Variants in NUDCD1 observed in about 807,000 individuals in gnomAD.
NUDCD1 encodes NudC domain containing 1, also known as nudC domain-containing protein 1.
NUDCD1 carries 60 observed loss-of-function variants against 67.8 expected under a neutral mutation model. The observed-to-expected ratio is 0.88, with a 90% CI of 0.72 to 1.10. NUDCD1 has a LOEUF of 1.10. Ranked by LOEUF, NUDCD1 falls within the 50% of genes least tolerant of loss-of-function variation. NUDCD1 has a pLI of 0.00. For synonymous variants in NUDCD1, 244 were observed against 230.8 expected (o/e 1.06, Z -0.52); for missense variants, 643 against 695.0 (o/e 0.93, Z 0.84).
At chr8:109,312,953 C>T (rs926064569) in intron 2 of NUDCD1, among the ~76,000 whole-genome samples, 23 of 152,206 alleles carry the variant, frequency 1.5e-4, no homozygotes, top group African/African-American at 5.5e-4. Flanking sequence ...CAGCTCCTTA[C>T]TAATTATAGT....
intron 9 of NUDCD1, among the ~76,000 whole-genome samples, chr8:109,245,072 T>G (rs895628330): frequency 3.9e-5 from 6 of 152,122 alleles, no homozygotes; most frequent in African/African-American, 1.4e-4. Context: ...TTAGAATAAT[T>G]CAAGTGGTTA....
chr8:109,263,054 CAAAAAAAAAAA>C lies in NUDCD1; in HGVS notation c.1299+7940_1299+7950del, dbSNP rs59659347. Among the ~76,000 whole-genome samples, 28 of 42,014 alleles carry C rather than the reference CAAAAAAAAAAA, an allele frequency of 6.7e-4. 2 individuals are homozygous for C. Among genetic ancestry groups the C allele is most frequent in the Admixed American group, 5.9e-3 (14 of 2,366 alleles). The allele number at this position is 42,014 out of a possible 152,430, so 27.6% of individuals were successfully genotyped here. ...CGGGGGACAGAGTGAGACTCTGTCTCAAAAAAAAAAAAAAAAAAAAAAAAACCCTGAACCCT... is the reference window on the plus strand; with the variant it reads ...CGGGGGACAGAGTGAGACTCTGTCTCAAAAAAAAAAAAAACCCTGAACCCT... On this transcript the variant is annotated intron_variant, in intron 8 of 9. Coordinates refer to ENST00000239690, the MANE Select transcript of NUDCD1 (RefSeq NM_032869.4).
chr8:109,326,453 G>A (rs541467781), intron 1 of NUDCD1, among the ~76,000 whole-genome samples: 1 of 152,304 alleles, frequency 6.6e-6, no homozygotes, highest in African/African-American at 2.4e-5. Context: ...CTTAGCTACT[G>A]GCAGAGCTCT....
intron 2 of NUDCD1, 64 bp from the exon 3 acceptor site, chr8:109,296,633 A>G (rs1014465269): frequency 6.4e-6 from 7 of 1,093,116 alleles, no homozygotes; most frequent in East Asian, 2.5e-5. Context: ...CACAAAATAA[A>G]TATCTGCGGT....
chr8:109,275,541 A>G (rs375238593), intron 6 of NUDCD1, 45 bp from the exon 7 acceptor site: 12 of 1,487,820 alleles, frequency 8.1e-6, no homozygotes, highest in Admixed American at 1.8e-5. Flanking sequence ...AAGCAATTAT[A>G]CAAATTATAC....
intron 2 of NUDCD1, among the ~76,000 whole-genome samples, chr8:109,309,877 C>A (rs60451909): frequency 0.36 from 53,753 of 149,288 alleles, 10,374 homozygotes; most frequent in South Asian, 0.5. Context: ...AAAAAAAAAA[C>A]AAAACAAACA....
At chr8:109,264,441 T>C (rs978979356) in intron 8 of NUDCD1, among the ~76,000 whole-genome samples, 2 of 152,208 alleles carry the variant, frequency 1.3e-5, no homozygotes, top group Admixed American at 6.5e-5. Flanking sequence ...CTTATGTGTG[T>C]ATCGGTTTAT....
chr8:109,289,292 A>G lies in NUDCD1; in HGVS notation c.823+459T>C, dbSNP rs142677483. Among the ~76,000 whole-genome samples, 7 of 152,170 alleles carry G rather than the reference A, an allele frequency of 4.6e-5. No individual in the cohort carries two copies. In the East Asian group the frequency reaches 1.4e-3, roughly 29 times the overall value. On this transcript the variant is annotated intron_variant, in intron 5 of 9. Coordinates refer to ENST00000239690, the MANE Select transcript of NUDCD1 (RefSeq NM_032869.4). ...GCCTGGCCAGTCTTTTCATGCTAAA[A>G]CATAACCTTCATTCATTCATTCAAC...
chr8:109,275,323 A>C (rs371700182), intron 7 of NUDCD1, 29 bp downstream of exon 7: 1 of 1,596,186 alleles, frequency 6.3e-7, no homozygotes, highest in African/African-American at 1.3e-5. Flanking sequence ...GGACCCTTGG[A>C]AAGTCACACT....
At chr8:109,305,173 C>T (rs1586295367) in intron 2 of NUDCD1, among the ~76,000 whole-genome samples, 1 of 152,136 alleles carries the variant, frequency 6.6e-6, no homozygotes, top group South Asian at 2.1e-4. Context: ...TGTCTCTGCC[C>T]CGGACTGGCA....
chr8:109,316,693 G>C (rs1815405601), intron 2 of NUDCD1, among the ~76,000 whole-genome samples: 1 of 152,108 alleles, frequency 6.6e-6, no homozygotes, highest in Admixed American at 6.5e-5. Flanking sequence ...AAAAATAAGT[G>C]TAGTATTCTT....
intron 1 of NUDCD1, among the ~76,000 whole-genome samples, chr8:109,331,180 C>T (rs929832675): frequency 6.6e-6 from 1 of 152,014 alleles, no homozygotes; most frequent in South Asian, 2.1e-4. Context: ...GTCTCTAATA[C>T]AAAAATTAGC....
chr8:109,284,078 A>T (rs1354538413), intron 5 of NUDCD1, among the ~76,000 whole-genome samples: 1 of 152,140 alleles, frequency 6.6e-6, no homozygotes, highest in African/African-American at 2.4e-5. Flanking sequence ...CCACAGGCTC[A>T]AAGTAAAGGG....
intron 8 of NUDCD1, among the ~76,000 whole-genome samples, chr8:109,253,425 G>A (rs1017669704): frequency 4.6e-5 from 7 of 152,094 alleles, no homozygotes; most frequent in South Asian, 2.1e-4. Context: ...CAAATAGATC[G>A]CCTGGTCATC....
intron 8 of NUDCD1, among the ~76,000 whole-genome samples, chr8:109,258,170 A>C (rs1173990561): frequency 6.6e-6 from 1 of 152,132 alleles, no homozygotes; most frequent in East Asian, 1.9e-4. Flanking sequence ...ATTATTTCAT[A>C]TGCAGCCCAT....
intron 5 of NUDCD1, 40 bp downstream of exon 5, chr8:109,289,711 T>C: frequency 9.6e-7 from 1 of 1,036,638 alleles, no homozygotes; most frequent in Non-Finnish European, 1.4e-6. Context: ...AATATATGTT[T>C]ATGAAAATAC....
At chr8:109,304,601 C>T (rs530576116) in intron 2 of NUDCD1, among the ~76,000 whole-genome samples, 4 of 152,198 alleles carry the variant, frequency 2.6e-5, no homozygotes, top group Non-Finnish European at 5.9e-5. Context: ...CCATATCCTG[C>T]ACCACCATGC....
intron 8 of NUDCD1, among the ~76,000 whole-genome samples, chr8:109,255,145 C>G (rs16879263): frequency 0.021 from 3,158 of 152,250 alleles, 104 homozygotes; most frequent in African/African-American, 0.071. Flanking sequence ...TCCCAAAGTC[C>G]ATTTTATAGC....
chr8:109,251,660 C>T (rs553043858), intron 8 of NUDCD1, among the ~76,000 whole-genome samples: 1 of 152,042 alleles, frequency 6.6e-6, no homozygotes, highest in South Asian at 2.1e-4. Flanking sequence ...TTTCTTTTTC[C>T]TCAGTCTGGC....
Sources: allele counts gnomAD v4.1 joint callset (sites outside exome capture counted in the v4.1 genomes callset), GRCh38; gene constraint gnomAD v4.1.1; transcripts MANE v1.5; gene names NCBI Gene and HGNC (gene_info 2026-07-23, HGNC 2026-07-21).